SYNPR: variants seen among roughly 807,000 people sequenced by gnomAD.
SYNPR encodes the protein synaptoporin.
In SYNPR, 23 loss-of-function variants were observed where a neutral mutation model predicts 32.9. The ratio of observed to expected loss-of-function variants is 0.70; its 90% CI spans 0.50 to 0.99. The LOEUF (loss-of-function observed/expected upper bound fraction) is 0.99. Among genes scored for constraint, SYNPR ranks in the 50% least tolerant of loss-of-function variants. SYNPR has a pLI of 0.00. For missense variants in SYNPR, 318 were observed against 349.3 expected, an observed-to-expected ratio of 0.91 and a Z score of 0.71; for synonymous variants, 146 against 135.9, an observed-to-expected ratio of 1.07 and a Z score of -0.52.
chr3:63,332,082 G>C (rs1175309913), intron 2 of SYNPR, among the ~76,000 whole-genome samples: 1 of 152,194 alleles, frequency 6.6e-6, no homozygotes, highest in Non-Finnish European at 1.5e-5. Context: ...TGAGCATATA[G>C]ATCTGGAAAA....
chr3:63,555,134 AC>A, intron 3 of SYNPR, among the ~76,000 whole-genome samples: 2 of 152,038 alleles, frequency 1.3e-5, no homozygotes, highest in Non-Finnish European at 2.9e-5. Flanking sequence ...AATTTTCTAG[AC>A]AGAAAATTAT....
At chr3:63,207,707 G>A in the SYNPR span, among the ~76,000 whole-genome samples, 4 of 151,998 alleles carry the variant, frequency 2.6e-5, no homozygotes, top group South Asian at 6.2e-4. Flanking sequence ...AGAATGAAAA[G>A]GAAAGTCATC....
intron 2 of SYNPR, among the ~76,000 whole-genome samples, chr3:63,390,948 C>T (rs1446024648): frequency 6.6e-6 from 1 of 152,216 alleles, no homozygotes; most frequent in Non-Finnish European, 1.5e-5. Context: ...ATCACTCCGA[C>T]TATGATCCCA....
chr3:63,487,589 T>A (rs1701180336), intron 3 of SYNPR, among the ~76,000 whole-genome samples: 1 of 152,208 alleles, frequency 6.6e-6, no homozygotes, highest in Non-Finnish European at 1.5e-5. Flanking sequence ...CAGAATGGGA[T>A]CTTCCCCAAC....
intron 2 of SYNPR, among the ~76,000 whole-genome samples, chr3:63,416,211 A>G (rs562007482): frequency 1.7e-3 from 259 of 152,304 alleles, no homozygotes; most frequent in Non-Finnish European, 2.9e-3. Flanking sequence ...AGTCACATGT[A>G]AACACCCATA....
At chr3:63,230,122 A>G (rs1465261863) in intron 1 of SYNPR, among the ~76,000 whole-genome samples, 3 of 152,026 alleles carry the variant, frequency 2.0e-5, no homozygotes, top group South Asian at 2.1e-4. Flanking sequence ...GCATGTTTCA[A>G]TGGGTGCTCA....
chr3:63,224,280 GGTT>G (rs1365428631), upstream of SYNPR, among the ~76,000 whole-genome samples: 1 of 152,124 alleles, frequency 6.6e-6, no homozygotes, highest in Non-Finnish European at 1.5e-5. Flanking sequence ...GAGAGATCTA[GGTT>G]GCAGGCTCCT....
rs749669898 is a variant in SYNPR at position 63,388,556 on chromosome 3, TTGTGTGTGTGTGTGTGTGTG to T, written c.85-92256_85-92237del. On this transcript the variant is annotated intron_variant, in intron 2 of 5. Coordinates refer to ENST00000478300, the MANE Select transcript of SYNPR (RefSeq NM_001130003.2). ...GCGCACACCACCACACCCGGCTAAT[TTGTGTGTGTGTGTGTGTGTG>T]TGTGTGTGTGTGTGTGTGTATTTTT... is the stretch of plus-strand genomic sequence containing the variant. 2.0e-4 allele frequency among the ~76,000 whole-genome samples: 25 copies of T among 128,084 alleles called. No individual in the cohort carries two copies. The South Asian group carries it at 2.6e-3, about 13-fold the overall frequency. The allele number at this position is 128,084 out of a possible 152,430, so 84.0% of individuals were successfully genotyped here. A position where few individuals can be genotyped will look rare whatever the true frequency, so the allele number is the denominator to read the frequency against.
In SYNPR at chr3:63,616,641, T is replaced by G. The variant is rs1291700610; in HGVS notation, c.*1160T>G. On this transcript the variant is annotated 3_prime_UTR_variant, in exon 6 of 6. Transcript: ENST00000478300. ...CCCAAAGAGAGTTCTCATGAAATAT[T>G]CTCCAGAATGTATTCATTATCAAGA... is the stretch of plus-strand genomic sequence containing the variant. The G allele has an allele frequency of 6.6e-6, 1 of 152,626 alleles. No individual in the cohort carries two copies. The highest frequency in any genetic ancestry group is 1.5e-5 in the Non-Finnish European group (1 of 68,044). 9.5% of individuals were successfully genotyped at this position (152,626 alleles called of 1,614,324 possible).
chr3:63,586,643 T>C (rs929627836), intron 4 of SYNPR, among the ~76,000 whole-genome samples: 11 of 146,230 alleles, frequency 7.5e-5, no homozygotes, highest in African/African-American at 2.6e-4. Flanking sequence ...CCCTTTCTTC[T>C]TGCAGATTCA....
chr3:63,258,963 G>C (rs1164909104), intron 2 of SYNPR, among the ~76,000 whole-genome samples: 2 of 152,104 alleles, frequency 1.3e-5, no homozygotes, highest in African/African-American at 4.8e-5. Flanking sequence ...AAATAAACTA[G>C]AAAATCTAGA....
intron 2 of SYNPR, among the ~76,000 whole-genome samples, chr3:63,358,857 T>C (rs563440046): frequency 4.6e-5 from 7 of 152,308 alleles, no homozygotes; most frequent in African/African-American, 1.7e-4. Context: ...CTGGCATAGC[T>C]AGTTTGTGGC....
chr3:63,442,264 G>T (rs1247141031), intron 2 of SYNPR, among the ~76,000 whole-genome samples: 1 of 149,068 alleles, frequency 6.7e-6, no homozygotes, highest in African/African-American at 2.5e-5. Context: ...GAGAGAGAGA[G>T]ACAGAGAGAG....
At chr3:63,219,537 A>T in the SYNPR span, among the ~76,000 whole-genome samples, 2 of 152,180 alleles carry the variant, frequency 1.3e-5, no homozygotes, top group Non-Finnish European at 2.9e-5. Context: ...CAAAAATCCA[A>T]GTATAGCTTT....
intron 2 of SYNPR, among the ~76,000 whole-genome samples, chr3:63,289,920 A>G (rs4688388): frequency 0.46 from 70,262 of 151,558 alleles, 16,455 homozygotes; most frequent in Middle Eastern, 0.52. Flanking sequence ...CACAAGGTCA[A>G]GAGATCGAGA....
intron 2 of SYNPR, among the ~76,000 whole-genome samples, chr3:63,253,865 T>G (rs1575576780): frequency 6.6e-6 from 1 of 152,150 alleles, no homozygotes; most frequent in Admixed American, 6.6e-5. Flanking sequence ...GACACATGCA[T>G]ATGTATGTTT....
chr3:63,382,975 C>T (rs2087992105), intron 2 of SYNPR, among the ~76,000 whole-genome samples: 1 of 152,188 alleles, frequency 6.6e-6, no homozygotes, highest in Admixed American at 6.5e-5. Context: ...ACAATCTGCT[C>T]ATTAGAACTA....
At chr3:63,221,230 G>A in the SYNPR span, among the ~76,000 whole-genome samples, 4 of 152,022 alleles carry the variant, frequency 2.6e-5, no homozygotes, top group Non-Finnish European at 4.4e-5. Flanking sequence ...TTATATTCAA[G>A]AATTTAGATG....
At chr3:63,284,868 T>C (rs1342952553) in intron 2 of SYNPR, among the ~76,000 whole-genome samples, 1 of 152,232 alleles carries the variant, frequency 6.6e-6, no homozygotes, top group Non-Finnish European at 1.5e-5. Flanking sequence ...TATATTACTG[T>C]GTTTTTCTTA....
Sources: allele counts gnomAD v4.1 joint callset (sites outside exome capture counted in the v4.1 genomes callset), GRCh38; gene constraint gnomAD v4.1.1; transcripts MANE v1.5; gene names NCBI Gene and HGNC (gene_info 2026-07-23, HGNC 2026-07-21).